The following CASQ2 variants were observed in gnomAD, a reference collection of about 807,000 sequenced individuals.
CASQ2 encodes calsequestrin-2.
A neutral mutation model predicts 46.5 loss-of-function variants in CASQ2; 49 were observed. The ratio of observed to expected loss-of-function variants is 1.05; its 90% CI spans 0.84 to 1.34. CASQ2 has a LOEUF of 1.34. Ranked by LOEUF, CASQ2 falls within the 40% of genes most tolerant of loss-of-function variation. The pLI is 0.00. For synonymous variants in CASQ2, 174 were observed against 168.5 expected, an observed-to-expected ratio of 1.03 and a Z score of -0.25; for missense variants, 486 against 481.3, an observed-to-expected ratio of 1.01 and a Z score of -0.09.
At chr1:115,732,862 C>G in intron 5 of CASQ2, 39 bp downstream of exon 5, 1 of 1,437,032 alleles carries the variant, frequency 7.0e-7, no homozygotes, top group Admixed American at 1.7e-5. Flanking sequence ...TTCTTCATGC[C>G]TACAAAACTG....
intron 4 of CASQ2, among the ~76,000 whole-genome samples, chr1:115,734,175 G>A (rs1647880117): frequency 6.6e-6 from 1 of 152,310 alleles, no homozygotes; most frequent in South Asian, 2.1e-4. Context: ...CATAGCTGGG[G>A]TCGAGAATTG....
intron 3 of CASQ2, among the ~76,000 whole-genome samples, chr1:115,739,384 G>A (rs990340195): frequency 6.6e-6 from 1 of 151,896 alleles, no homozygotes; most frequent in Non-Finnish European, 1.5e-5. Flanking sequence ...CAAAGTGCTG[G>A]GATTACAGGC....
chr1:115,717,885 A>C lies in CASQ2; in HGVS notation c.793T>G (p.Leu265Val), dbSNP rs772419873. The C allele has an allele frequency of 2.4e-5, 39 of 1,609,770 alleles. No homozygotes were observed. Among genetic ancestry groups the C allele is most frequent in the Non-Finnish European group, 3.1e-5 (37 of 1,176,110 alleles). Residue 265 changes from leucine (L) to valine (V), a missense_variant, in exon 8 of 11, where the codon TTG (leucine) becomes GTG (valine). By Grantham distance (32) the Leu-to-Val change is conservative. Coordinates refer to ENST00000261448, the MANE Select transcript of CASQ2 (RefSeq NM_001232.4). ...AAGGCCACAATGTGGATCCCATTCA[A>C]ATCATCTTCCTGTATGAGAAAAGTA... ...EEMFETWEDD[L>V]NGIHIVAFAE...
At chr1:115,710,467 A>G (rs543221977) in intron 8 of CASQ2, among the ~76,000 whole-genome samples, 22 of 152,154 alleles carry the variant, frequency 1.4e-4, no homozygotes, top group Non-Finnish European at 8.8e-5. Flanking sequence ...ACTCCTACCA[A>G]TGTTGCTGCC....
chr1:115,733,058 G>C (rs1242580880), intron 4 of CASQ2, 84 bp from the exon 5 acceptor site: 1 of 923,196 alleles, frequency 1.1e-6, no homozygotes, highest in East Asian at 2.4e-5. Context: ...GTAGAGAGTA[G>C]AAAGCCAATT....
At chr1:115,738,723 G>A (rs1648051673) in intron 3 of CASQ2, among the ~76,000 whole-genome samples, 1 of 152,078 alleles carries the variant, frequency 6.6e-6, no homozygotes, top group South Asian at 2.1e-4. Flanking sequence ...TTTTTGTGGT[G>A]AGAACATTTG....
At position 115,701,253 on chromosome 1, in the gene CASQ2, A is replaced by G. The variant is rs751885773; in HGVS notation, c.1188T>C (p.Asp396=). ...GTTTGGAGTTGGGCTATTCATCATC[A>G]TCGTCATCACTGTCATCATTATCCT... is the stretch of plus-strand genomic sequence containing the variant. The part of the protein sequence containing the change: ...DEEDNDDSDD[D]DDE Residue 396 remains aspartate (D), a synonymous_variant, in exon 11 of 11, where the codon GAT becomes GAC. Transcript: ENST00000261448. 2.2e-5 allele frequency: 36 copies of G among 1,605,714 alleles called. No individual in the cohort carries two copies. Among genetic ancestry groups the G allele is most frequent in the East Asian group, 6.7e-5 (3 of 44,846 alleles).
intron 1 of CASQ2, among the ~76,000 whole-genome samples, chr1:115,749,481 CAAT>C (rs1648501283): frequency 6.6e-6 from 1 of 152,154 alleles, no homozygotes; most frequent in Non-Finnish European, 1.5e-5. Flanking sequence ...ACAGAGCAGG[CAAT>C]AACACATGGG....
intron 1 of CASQ2, among the ~76,000 whole-genome samples, chr1:115,755,996 G>A (rs1254171124): frequency 6.6e-6 from 1 of 152,190 alleles, no homozygotes; most frequent in Non-Finnish European, 1.5e-5. Flanking sequence ...TGTGTCTGGA[G>A]GATGCTTCAC....
intron 1 of CASQ2, among the ~76,000 whole-genome samples, chr1:115,748,445 G>A (rs12140557): frequency 0.28 from 42,016 of 151,426 alleles, 6,241 homozygotes; most frequent in East Asian, 0.43. Context: ...GAGCAGCTCC[G>A]AGGAATACCT....
intron 9 of CASQ2, among the ~76,000 whole-genome samples, chr1:115,704,246 A>G (rs1654297135): frequency 6.6e-6 from 1 of 152,234 alleles, no homozygotes; most frequent in Non-Finnish European, 1.5e-5. Flanking sequence ...TGGAAGATAA[A>G]GTCATCATTC....
chr1:115,741,936 A>C (rs12567413), intron 2 of CASQ2, among the ~76,000 whole-genome samples: 108,016 of 152,062 alleles, frequency 0.71, 42,095 homozygotes, highest in Non-Finnish European at 0.87. Context: ...GCTGGACTGC[A>C]GCCTGCTGTG....
intron 10 of CASQ2, among the ~76,000 whole-genome samples, chr1:115,702,223 G>A (rs2101053133): frequency 1.3e-5 from 2 of 152,236 alleles, no homozygotes; most frequent in Middle Eastern, 6.8e-3. Flanking sequence ...CGCCTGGCTT[G>A]GCCCCCATTC....
intron 6 of CASQ2, 23 bp downstream of exon 6, chr1:115,726,961 GCCCCCAGC>G: frequency 2.2e-6 from 3 of 1,358,312 alleles, no homozygotes; most frequent in Non-Finnish European, 3.1e-6. Context: ...CAGACCCCAG[GCCCCCAGC>G]CCCCACATGC....
chr1:115,748,759 G>A (rs897873413), intron 1 of CASQ2, among the ~76,000 whole-genome samples: 11 of 152,058 alleles, frequency 7.2e-5, no homozygotes, highest in African/African-American at 2.7e-4. Flanking sequence ...TCTATTTAGT[G>A]CTGTCAAAAT....
Position 115,701,267 on chromosome 1 carries a change from CATCATT to C in CASQ2, c.1168_1173del (p.Asn390_Asp391del). ...TATTCATCATCATCGTCATCACTGT[CATCATT>C]ATCCTCTTCATCAGAATTATCATCA... is the stretch of plus-strand genomic sequence containing the variant. On this transcript the variant is annotated inframe_deletion, in exon 11 of 11. Coordinates refer to ENST00000261448, the MANE Select transcript of CASQ2 (RefSeq NM_001232.4). 6.2e-7 allele frequency: 1 copy of C among 1,605,202 alleles called. No individual in the cohort carries two copies. Among genetic ancestry groups the C allele is most frequent in the Non-Finnish European group, 8.5e-7 (1 of 1,171,974 alleles).
chr1:115,706,372 A>C (rs1033063753), intron 8 of CASQ2, among the ~76,000 whole-genome samples: 3 of 152,164 alleles, frequency 2.0e-5, no homozygotes, highest in Non-Finnish European at 4.4e-5. Context: ...CCCCTAGTAT[A>C]GGAGCACTAG....
chr1:115,754,676 C>G (rs1477963164), intron 1 of CASQ2, among the ~76,000 whole-genome samples: 2 of 152,168 alleles, frequency 1.3e-5, no homozygotes, highest in African/African-American at 4.8e-5. Context: ...TCATCTGTTA[C>G]CTTTTGTTCC....
intron 2 of CASQ2, among the ~76,000 whole-genome samples, chr1:115,744,036 C>T (rs7524315): frequency 0.71 from 107,571 of 150,866 alleles, 41,993 homozygotes; most frequent in Non-Finnish European, 0.88. Context: ...CTCAGCTACT[C>T]AAGAGGCTGA....
Sources: allele counts gnomAD v4.1 joint callset (sites outside exome capture counted in the v4.1 genomes callset), GRCh38; gene constraint gnomAD v4.1.1; transcripts MANE v1.5; gene names NCBI Gene and HGNC (gene_info 2026-07-23, HGNC 2026-07-21).